The following SPECC1 variants were observed in gnomAD, a reference collection of about 807,000 sequenced individuals.
SPECC1 encodes sperm antigen with calponin homology and coiled-coil domains 1.
A neutral mutation model predicts 104.1 loss-of-function variants in SPECC1; 62 were observed. That is an observed-to-expected ratio of 0.60 (90% CI 0.49 to 0.74). The LOEUF is 0.74. Ranked by LOEUF, SPECC1 falls within the 30% of genes least tolerant of loss-of-function variation. The probability of loss-of-function intolerance (pLI) is 0.00; values close to 1 mark genes in which losing one functional copy is unlikely to be tolerated. For synonymous variants in SPECC1, 513 were observed against 501.6 expected (o/e 1.02, Z -0.30); for missense variants, 1,306 against 1,310.5 (o/e 1.00, Z 0.05).
At chr17:20,294,956 A>G (rs930232811) in intron 12 of SPECC1, among the ~76,000 whole-genome samples, 1 of 152,094 alleles carries the variant, frequency 6.6e-6, no homozygotes, top group African/African-American at 2.4e-5. Flanking sequence ...ACTCTGAGCA[A>G]ATTTGGGAAG....
Position 20,313,997 on chromosome 17 carries a change from A to G in SPECC1, c.3139A>G (p.Thr1047Ala). 1 of 1,614,212 alleles carries G rather than the reference A, an allele frequency of 6.2e-7. No homozygotes were observed. Among genetic ancestry groups the G allele is most frequent in the Non-Finnish European group, 8.5e-7 (1 of 1,180,024 alleles). Residue 1047 changes from threonine (T) to alanine (A), a missense_variant, in exon 15 of 15, where the codon ACA becomes GCA. By Grantham distance (58) the Thr-to-Ala change is moderately conservative. Coordinates refer to ENST00000395527, the MANE Select transcript of SPECC1 (RefSeq NM_001243439.2). ...PSLELSEMLY[T>A]DRPDWQSVMQ... ...GCAGGAACTCAGCGAGATGCTGTAC[A>G]CAGACCGGCCCGACTGGCAGAGTGT...
chr17:20,112,875 A>G, intron 3 of SPECC1: 2 of 1,583,862 alleles, frequency 1.3e-6, no homozygotes, highest in South Asian at 1.1e-5. Flanking sequence ...GATTTAGAGA[A>G]TTGTGATCTG....
intron 13 of SPECC1, among the ~76,000 whole-genome samples, chr17:20,304,691 G>A (rs2041705289): frequency 1.3e-5 from 2 of 152,116 alleles, no homozygotes; most frequent in African/African-American, 4.8e-5. Flanking sequence ...AATAGAATGG[G>A]GGTAAAATCC....
At chr17:20,233,757 A>G (rs1385856090) in intron 7 of SPECC1, among the ~76,000 whole-genome samples, 1 of 152,208 alleles carries the variant, frequency 6.6e-6, no homozygotes, top group Non-Finnish European at 1.5e-5. Flanking sequence ...ACTAGGTTTC[A>G]CAGTGTTCCC....
chr17:20,110,814 T>C (rs1174497593), intron 3 of SPECC1, among the ~76,000 whole-genome samples: 1 of 152,104 alleles, frequency 6.6e-6, no homozygotes, highest in Non-Finnish European at 1.5e-5. Flanking sequence ...GAGGTCCATT[T>C]GTCACCATGC....
intron 1 of SPECC1, among the ~76,000 whole-genome samples, chr17:20,039,316 G>T (rs996721385): frequency 6.6e-6 from 1 of 152,082 alleles, no homozygotes; most frequent in African/African-American, 2.4e-5. Context: ...TGATTTTTTT[G>T]TCTAGTTGTT....
At chr17:20,132,519 T>C (rs1346336346) in intron 3 of SPECC1, among the ~76,000 whole-genome samples, 2 of 150,912 alleles carry the variant, frequency 1.3e-5, no homozygotes, top group African/African-American at 4.9e-5. Context: ...ACTTAGAAGT[T>C]TGTTTGTTTG....
At chr17:20,276,635 T>G (rs940844048) in intron 12 of SPECC1, among the ~76,000 whole-genome samples, 3 of 152,164 alleles carry the variant, frequency 2.0e-5, no homozygotes, top group Non-Finnish European at 2.9e-5. Flanking sequence ...CCCAGGCACC[T>G]AGCAGCGTGG....
chr17:20,285,201 G>T (rs984467170), intron 12 of SPECC1, among the ~76,000 whole-genome samples: 1 of 152,218 alleles, frequency 6.6e-6, no homozygotes. Context: ...TGCGCAGGCT[G>T]TGTGGTTTTG....
chr17:20,307,971 T>TA (rs1311373721), intron 14 of SPECC1, among the ~76,000 whole-genome samples: 3 of 152,028 alleles, frequency 2.0e-5, no homozygotes, highest in Admixed American at 2.0e-4. Context: ...TACAACCTAG[T>TA]AGGAAATTAT....
chr17:20,101,910 C>G (rs2047963740), intron 2 of SPECC1, among the ~76,000 whole-genome samples: 1 of 152,222 alleles, frequency 6.6e-6, no homozygotes, highest in Non-Finnish European at 1.5e-5. Context: ...GAATTCTTTT[C>G]TACATCTTTG....
intron 3 of SPECC1, among the ~76,000 whole-genome samples, chr17:20,131,053 G>C (rs1318490662): frequency 6.6e-6 from 1 of 152,166 alleles, no homozygotes; most frequent in African/African-American, 2.4e-5. Flanking sequence ...AAATGCAATT[G>C]ATATTTATAT....
chr17:20,284,332 G>T (rs911578486), intron 12 of SPECC1, among the ~76,000 whole-genome samples: 1 of 152,212 alleles, frequency 6.6e-6, no homozygotes, highest in Admixed American at 6.5e-5. Flanking sequence ...TTATGGAATG[G>T]GGCATCAGAA....
chr17:20,144,380 G>A (rs2031226780), intron 3 of SPECC1, among the ~76,000 whole-genome samples: 1 of 151,370 alleles, frequency 6.6e-6, no homozygotes, highest in Non-Finnish European at 1.5e-5. Context: ...TTGTAGAGAT[G>A]TGGTCTCCCT....
chr17:20,119,703 T>C (rs1187014321), intron 3 of SPECC1, among the ~76,000 whole-genome samples: 1 of 152,280 alleles, frequency 6.6e-6, no homozygotes, highest in African/African-American at 2.4e-5. Context: ...GCCTGTCTGT[T>C]GCAGGTGTTA....
chr17:20,260,229 G>T lies in SPECC1; in HGVS notation c.2875G>T (p.Glu959Ter), dbSNP rs1277118316. 1.2e-6 allele frequency: 2 copies of T among 1,614,008 alleles called. No individual in the cohort carries two copies. The highest frequency in any genetic ancestry group is 2.2e-5 in the South Asian group (2 of 91,050). ...RKDPLAALAR[E>*]YGGSKRNALL... ...AGACCCTCTGGCAGCCTTGGCCCGG[G>T]AATACGGTGGTTCCAAGCGCAATGC... Residue 959 changes from glutamate to a stop codon, truncating the protein, a stop_gained, in exon 12 of 15, where the codon GAA becomes TAA. Transcript: ENST00000395527. LOFTEE classifies it high-confidence loss of function.
chr17:20,232,545 T>G (rs932256877), intron 7 of SPECC1, 140 bp downstream of exon 7: 2 of 922,668 alleles, frequency 2.2e-6, no homozygotes, highest in Non-Finnish European at 1.6e-6. Context: ...TAGCACCACC[T>G]TACCACTAGG....
At chr17:20,291,340 G>A (rs2041156515) in intron 12 of SPECC1, among the ~76,000 whole-genome samples, 1 of 152,246 alleles carries the variant, frequency 6.6e-6, no homozygotes, top group Admixed American at 6.5e-5. Context: ...TGCTGGCAGT[G>A]TCCACTGCAA....
intron 3 of SPECC1, among the ~76,000 whole-genome samples, chr17:20,193,816 T>G (rs1393910963): frequency 6.6e-6 from 1 of 152,228 alleles, no homozygotes; most frequent in Non-Finnish European, 1.5e-5. Context: ...TATAGGGTTG[T>G]TAGCTGATTG....
Sources: allele counts gnomAD v4.1 joint callset (sites outside exome capture counted in the v4.1 genomes callset), GRCh38; gene constraint gnomAD v4.1.1; transcripts MANE v1.5; gene names NCBI Gene and HGNC (gene_info 2026-07-23, HGNC 2026-07-21).